SEM1: variants seen among roughly 807,000 people sequenced by gnomAD.
SEM1 encodes the protein SEM1 26S proteasome subunit.
Under a neutral mutation model 12.7 loss-of-function variants are expected in SEM1, and 3 were observed. The ratio of observed to expected loss-of-function variants is 0.24; its 90% CI spans 0.11 to 0.61. The LOEUF (loss-of-function observed/expected upper bound fraction) is 0.61. Among genes scored for constraint, SEM1 ranks in the 20% least tolerant of loss-of-function variants. The pLI is 0.88. For missense variants in SEM1, 59 were observed against 81.3 expected, an observed-to-expected ratio of 0.73 and a Z score of 1.06; for synonymous variants, 30 against 27.8, an observed-to-expected ratio of 1.08 and a Z score of -0.25.
At chr7:96,515,551 A>C (rs1037935881) in intron 2 of SEM1, among the ~76,000 whole-genome samples, 4 of 152,220 alleles carry the variant, frequency 2.6e-5, no homozygotes, top group Admixed American at 2.6e-4. Flanking sequence ...ATTATAAATC[A>C]TGCTACTATA....
chr7:96,659,312 G>C (rs1362698852), intron 2 of SEM1, among the ~76,000 whole-genome samples: 1 of 152,124 alleles, frequency 6.6e-6, no homozygotes, highest in Admixed American at 6.5e-5. Flanking sequence ...ATAGCAATAA[G>C]GGAAACTAGA....
At chr7:96,610,657 A>C (rs984649360) in intron 2 of SEM1, among the ~76,000 whole-genome samples, 1 of 152,190 alleles carries the variant, frequency 6.6e-6, no homozygotes, top group East Asian at 1.9e-4. Context: ...AGTAAGACTC[A>C]TTCTCTTCCA....
intron 2 of SEM1, among the ~76,000 whole-genome samples, chr7:96,693,675 T>G (rs914499698): frequency 6.6e-6 from 1 of 151,902 alleles, no homozygotes; most frequent in African/African-American, 2.4e-5. Flanking sequence ...AGTGAGAACA[T>G]AAATTGTTCA....
At chr7:96,569,263 T>C (rs1308714042) in intron 2 of SEM1, among the ~76,000 whole-genome samples, 1 of 152,044 alleles carries the variant, frequency 6.6e-6, no homozygotes, top group Non-Finnish European at 1.5e-5. Context: ...TTTCCTGTAC[T>C]GTTTCTTCTT....
chr7:96,622,290 T>C, downstream of SEM1: 1 of 321,666 alleles, frequency 3.1e-6, no homozygotes, highest in South Asian at 7.4e-5. Flanking sequence ...AAAACTAATG[T>C]GCTAATCAGT....
At chr7:96,633,277 T>C (rs1046075590) in intron 2 of SEM1, among the ~76,000 whole-genome samples, 25 of 152,108 alleles carry the variant, frequency 1.6e-4, no homozygotes, top group African/African-American at 5.6e-4. Context: ...GAAAATATGA[T>C]GGTTCTAAAT....
At chr7:96,577,712 A>T (rs1203879863) in intron 2 of SEM1, among the ~76,000 whole-genome samples, 1 of 152,100 alleles carries the variant, frequency 6.6e-6, no homozygotes, top group East Asian at 1.9e-4. Context: ...TAGAAGCAAA[A>T]ATAAATCATA....
At position 96,544,590 on chromosome 7, in the gene SEM1, G is replaced by A. The variant is rs117318878; in HGVS notation, c.171-37892C>T. ...ACAATTGACACTTAAACAACATGGG[G>A]GTTAGGAGTACTGACCTACCTTGCA... is the stretch of plus-strand genomic sequence containing the variant. On this transcript the variant is annotated intron_variant and NMD_transcript_variant, in intron 2 of 3. Transcript: ENST00000466986. Among the ~76,000 whole-genome samples, 112 of 151,954 alleles carry A rather than the reference G, an allele frequency of 7.4e-4. 3 individuals carry two copies. The East Asian group carries it at 0.02, about 27-fold the overall frequency.
At chr7:96,542,474 T>G (rs1197463933) in intron 2 of SEM1, among the ~76,000 whole-genome samples, 1 of 151,846 alleles carries the variant, frequency 6.6e-6, no homozygotes, top group East Asian at 1.9e-4. Context: ...ACTGAAGTCT[T>G]TTATCAGCTC....
At chr7:96,611,752 TGGATCC>T (rs1302989330) in intron 2 of SEM1, among the ~76,000 whole-genome samples, 2 of 152,168 alleles carry the variant, frequency 1.3e-5, no homozygotes, top group Non-Finnish European at 2.9e-5. Context: ...TTAAAGCAAT[TGGATCC>T]CATTATACTC....
chr7:96,582,356 C>A (rs1483530779), intron 2 of SEM1, among the ~76,000 whole-genome samples: 1 of 150,248 alleles, frequency 6.7e-6, no homozygotes, highest in Admixed American at 6.7e-5. Context: ...TTTTGATGTG[C>A]TGCTGGATTC....
upstream of SEM1, among the ~76,000 whole-genome samples, chr7:96,498,373 G>C (rs1259200471): frequency 1.4e-5 from 1 of 72,070 alleles, no homozygotes; most frequent in Non-Finnish European, 2.6e-5. Flanking sequence ...ATGTGCACGT[G>C]TGTCTGTGTA....
At chr7:96,484,799 A>G (rs1231369728) in intron 3 of SEM1, 1 of 1,264,544 alleles carries the variant, frequency 7.9e-7, no homozygotes, top group Non-Finnish European at 1.0e-6. Context: ...ACCCATTTAT[A>G]TCCATTTATA....
At chr7:96,701,586 A>G (rs1360735949) in intron 1 of SEM1, among the ~76,000 whole-genome samples, 1 of 152,230 alleles carries the variant, frequency 6.6e-6, no homozygotes, top group African/African-American at 2.4e-5. Context: ...CAACCATTAC[A>G]ATAATGTAAT....
At chr7:96,684,552 A>G (rs1008195829), downstream of SEM1, among the ~76,000 whole-genome samples, 2 of 152,130 alleles carry the variant, frequency 1.3e-5, no homozygotes, top group South Asian at 2.1e-4. Flanking sequence ...TACTAACTAC[A>G]TGAAATATGC....
At chr7:96,622,764 G>A (rs1475931657) in intron 2 of SEM1, 21 of 643,758 alleles carry the variant, frequency 3.3e-5, no homozygotes, top group Non-Finnish European at 5.0e-5. Flanking sequence ...TAATACCACT[G>A]TGCTAGTCAT....
At chr7:96,546,666 G>C (rs1187075142) in intron 2 of SEM1, among the ~76,000 whole-genome samples, 1 of 152,026 alleles carries the variant, frequency 6.6e-6, no homozygotes, top group South Asian at 2.1e-4. Context: ...ACATTCCACC[G>C]GCACGATCTT....
At chr7:96,666,031 G>GA (rs747942658) in intron 2 of SEM1, among the ~76,000 whole-genome samples, 61 of 152,226 alleles carry the variant, frequency 4.0e-4, no homozygotes, top group Non-Finnish European at 6.0e-4. Context: ...ACTAGCAAGT[G>GA]GGAAAAAAGC....
At chr7:96,620,000 T>C (rs1237221367), downstream of SEM1, among the ~76,000 whole-genome samples, 1 of 152,074 alleles carries the variant, frequency 6.6e-6, no homozygotes, top group African/African-American at 2.4e-5. Flanking sequence ...GGGAGTGTGG[T>C]CCACTTGTGT....
Sources: allele counts gnomAD v4.1 joint callset (sites outside exome capture counted in the v4.1 genomes callset), GRCh38; gene constraint gnomAD v4.1.1; transcripts MANE v1.5; gene names NCBI Gene and HGNC (gene_info 2026-07-23, HGNC 2026-07-21).